SNX5: variants seen among roughly 807,000 people sequenced by gnomAD.
SNX5 encodes the protein sorting nexin 5, also known as sorting nexin-5.
A neutral mutation model predicts 53.9 loss-of-function variants in SNX5; 31 were observed. The ratio of observed to expected loss-of-function variants is 0.58; its 90% confidence interval spans 0.43 to 0.78. The LOEUF (loss-of-function observed/expected upper bound fraction) is 0.78. Ranked by LOEUF, SNX5 falls within the 30% of genes least tolerant of loss-of-function variation. The pLI is 0.00. For synonymous variants in SNX5, 168 were observed against 171.1 expected (o/e 0.98, Z 0.14); for missense variants, 471 against 478.8 (o/e 0.98, Z 0.15).
chr20:17,960,430 CCAAAAATA>C (rs2035428015), intron 1 of SNX5, among the ~76,000 whole-genome samples: 1 of 152,138 alleles, frequency 6.6e-6, no homozygotes, highest in African/African-American at 2.4e-5. Flanking sequence ...CCCGTCTCTA[CCAAAAATA>C]CAAAAATTAG....
chr20:17,942,377 C>A lies in SNX5; in HGVS notation c.1195G>T (p.Asp399Tyr). The change falls in exon 13 of 13, where the codon GAC becomes TAC. Residue 399 changes from aspartate (D) to tyrosine (Y), a missense_variant. Asp to Tyr is a radical substitution (Grantham distance 160). Transcript: ENST00000377759. The stretch of plus-strand genomic sequence containing the variant: ...GCATATCAGTTATTCTTGAACAAGT[C>A]AATACAGCTCTGCAAAAGGGAGACA... ...NNVSLLQSCI[D>Y]LFKNN The A allele has an allele frequency of 6.2e-7, 1 of 1,611,226 alleles. No homozygotes were observed. The highest frequency in any genetic ancestry group is 8.5e-7 in the Non-Finnish European group (1 of 1,177,452).
In SNX5 at chr20:17,968,673, C is replaced by T. The variant is rs1378602068; in HGVS notation, c.-248G>A. ...TCCCCGCTGCCGTCCATCTTGGAGC[C>T]GGGCAAAGACGCCACGTGGGGCCTA... On this transcript the variant is annotated 5_prime_UTR_variant, in exon 1 of 13. Coordinates refer to ENST00000377759, the MANE Select transcript of SNX5 (RefSeq NM_014426.4). The T allele has an allele frequency of 8.5e-6, 5 of 585,140 alleles. No homozygotes were observed. Among genetic ancestry groups the T allele is most frequent in the South Asian group, 3.4e-5 (2 of 59,044 alleles). The allele number at this position is 585,140 out of a possible 1,614,324, so 36.2% of individuals were successfully genotyped here.
chr20:17,947,399 G>T, intron 11 of SNX5, 87 bp downstream of exon 11: 1 of 1,405,244 alleles, frequency 7.1e-7, no homozygotes, highest in South Asian at 1.3e-5. Context: ...AAGGATACAT[G>T]GGTGTTTTTT....
At chr20:17,961,717 T>G (rs528352378) in intron 1 of SNX5, 1 of 985,410 alleles carries the variant, frequency 1.0e-6, no homozygotes, top group East Asian at 1.1e-4. Context: ...TCTTTCAAAC[T>G]ATCTGTTCCT....
intron 8 of SNX5, 149 bp from the exon 9 acceptor site, chr20:17,949,252 T>C (rs952434099): frequency 2.7e-5 from 18 of 660,236 alleles, no homozygotes; most frequent in Non-Finnish European, 4.3e-5. Context: ...TCACTTCAAC[T>C]GACCCCAAAT....
At chr20:17,963,048 T>A in intron 1 of SNX5, 4 of 362,992 alleles carry the variant, frequency 1.1e-5, no homozygotes, top group Non-Finnish European at 1.1e-5. Context: ...AATTACTAAG[T>A]ACCGAAATTA....
intron 3 of SNX5, among the ~76,000 whole-genome samples, chr20:17,954,873 G>A (rs1339443858): frequency 6.6e-6 from 1 of 152,058 alleles, no homozygotes; most frequent in Non-Finnish European, 1.5e-5. Flanking sequence ...ACCACGCCCA[G>A]CAAATTTTTT....
intron 2 of SNX5, 77 bp from the exon 3 acceptor site, chr20:17,955,552 G>C: frequency 1.1e-6 from 1 of 913,550 alleles, no homozygotes; most frequent in Non-Finnish European, 1.8e-6. Context: ...CTACACAGTG[G>C]GAAAATTCTG....
At chr20:17,954,297 G>A (rs1433799306) in intron 3 of SNX5, 180 bp from the exon 4 acceptor site, 12 of 914,992 alleles carry the variant, frequency 1.3e-5, no homozygotes, top group Admixed American at 3.3e-5. Flanking sequence ...TTAAAATGAG[G>A]TGTCTTCCTG....
chr20:17,958,002 C>CAA (rs59621613), intron 1 of SNX5, among the ~76,000 whole-genome samples: 27,279 of 107,442 alleles, frequency 0.25, 3,349 homozygotes, highest in East Asian at 0.43. Context: ...TTCTGCCCGT[C>CAA]AAAAAAAAAA....
At chr20:17,961,553 A>C in intron 1 of SNX5, 1 of 985,004 alleles carries the variant, frequency 1.0e-6, no homozygotes, top group South Asian at 4.7e-5. Flanking sequence ...CATGGATACA[A>C]TATGCAGTGC....
chr20:17,953,925 T>C, intron 4 of SNX5, 71 bp downstream of exon 4: 1 of 1,318,794 alleles, frequency 7.6e-7, no homozygotes, highest in Non-Finnish European at 1.1e-6. Context: ...CAGGTTCTTC[T>C]ACTTATTTTT....
In SNX5 at chr20:17,948,316, C is replaced by T. The variant is rs1415888653; in HGVS notation, c.918+574G>A. Among the ~76,000 whole-genome samples, 6 of 152,266 alleles carry T rather than the reference C, an allele frequency of 3.9e-5. No homozygotes were observed. The East Asian group carries it at 1.2e-3, about 29-fold the overall frequency. On this transcript the variant is annotated intron_variant, in intron 10 of 12. Transcript: ENST00000377759. The stretch of plus-strand genomic sequence containing the variant: ...AAAAAAGTATGTTTTTAAAAACTCC[C>T]AAGATTCAGAAAACATGCCAAAGGG...
chr20:17,945,101 C>T (rs955634622), intron 11 of SNX5: 1 of 152,208 alleles, frequency 6.6e-6, no homozygotes, highest in Non-Finnish European at 1.5e-5. Context: ...TACAAGCAGC[C>T]ACATCCAAGT....
At chr20:17,962,349 C>T (rs1187645508) in intron 1 of SNX5, among the ~76,000 whole-genome samples, 8 of 151,924 alleles carry the variant, frequency 5.3e-5, no homozygotes, top group East Asian at 1.9e-4. Context: ...GGATTACAGG[C>T]GCCCACCACC....
intron 4 of SNX5, among the ~76,000 whole-genome samples, chr20:17,953,341 T>C (rs1224096777): frequency 3.9e-5 from 6 of 152,212 alleles, no homozygotes; most frequent in Non-Finnish European, 8.8e-5. Flanking sequence ...AATGCAAGGA[T>C]GGATTCATAA....
chr20:17,967,993 C>G (rs1010897420), intron 1 of SNX5: 3 of 397,832 alleles, frequency 7.5e-6, no homozygotes, highest in African/African-American at 6.2e-5. Flanking sequence ...TTGGGGGCAA[C>G]AAACCAAACT....
chr20:17,952,849 C>G (rs891595922), intron 4 of SNX5, 139 bp from the exon 5 acceptor site: 31 of 1,008,582 alleles, frequency 3.1e-5, no homozygotes, highest in Middle Eastern at 2.2e-4. Flanking sequence ...TCAGTATAAA[C>G]TGGTGTCTAG....
chr20:17,942,719 G>A (rs1004898237), intron 12 of SNX5: 10 of 412,242 alleles, frequency 2.4e-5, no homozygotes, highest in Admixed American at 8.4e-5. Flanking sequence ...CTATCAGTGC[G>A]TTGTTCCATG....
Sources: allele counts gnomAD v4.1 joint callset (sites outside exome capture counted in the v4.1 genomes callset), GRCh38; gene constraint gnomAD v4.1.1; transcripts MANE v1.5; gene names NCBI Gene and HGNC (gene_info 2026-07-23, HGNC 2026-07-21).